RGPD6: variants seen among roughly 807,000 people sequenced by gnomAD.
The protein encoded by RGPD6 is RANBP2 like and GRIP domain containing 6, also known as RANBP2-like and GRIP domain-containing protein 5/6.
chr2:110,606,107 G>T, the RGPD6 span, among the ~76,000 whole-genome samples: 1 of 151,792 alleles, frequency 6.6e-6, no homozygotes, highest in Non-Finnish European at 1.5e-5. Flanking sequence ...AGAAAAAAGA[G>T]AAAGAAAGAG....
chr2:110,596,931 T>TA, the RGPD6 span, among the ~76,000 whole-genome samples: 2 of 126,552 alleles, frequency 1.6e-5, no homozygotes, highest in Non-Finnish European at 3.2e-5. Context: ...TATATATATA[T>TA]TATATATATT....
chr2:110,603,892 T>G, the RGPD6 span, among the ~76,000 whole-genome samples: 1 of 150,676 alleles, frequency 6.6e-6, no homozygotes, highest in Admixed American at 6.6e-5. Context: ...TTCCTTAGAT[T>G]CAACCCATTT....
the RGPD6 span, among the ~76,000 whole-genome samples, chr2:110,605,894 C>A: frequency 6.6e-6 from 1 of 151,354 alleles, no homozygotes; most frequent in African/African-American, 2.5e-5. Flanking sequence ...ATTTCAAATG[C>A]CACCCCACCA....
the RGPD6 span, among the ~76,000 whole-genome samples, chr2:110,605,359 C>T: frequency 6.0e-5 from 9 of 151,174 alleles, no homozygotes; most frequent in East Asian, 1.4e-3. Context: ...GTCAACTACA[C>T]GGTGACCTTC....
chr2:110,607,054 T>C, the RGPD6 span, among the ~76,000 whole-genome samples: 5 of 151,278 alleles, frequency 3.3e-5, 1 homozygote, highest in African/African-American at 9.8e-5. Context: ...ACGAATTAAA[T>C]GAAAGCAACA....
the RGPD6 span, chr2:110,610,968 G>T: frequency 1.1e-6 from 1 of 926,324 alleles, no homozygotes; most frequent in African/African-American, 2.0e-5. Flanking sequence ...GGCTGCAGCG[G>T]CCGGCGCACT....
chr2:110,596,568 A>C, the RGPD6 span, among the ~76,000 whole-genome samples: 1 of 148,880 alleles, frequency 6.7e-6, no homozygotes, highest in Non-Finnish European at 1.5e-5. Context: ...AGTTACATTT[A>C]GGTGTTATGG....
the RGPD6 span, among the ~76,000 whole-genome samples, chr2:110,608,369 T>C: frequency 2.0e-5 from 3 of 150,526 alleles, no homozygotes; most frequent in African/African-American, 7.4e-5. Context: ...TACCACTTAC[T>C]TACCCTTTCC....
the RGPD6 span, among the ~76,000 whole-genome samples, chr2:110,605,526 T>C: frequency 1.1e-4 from 16 of 151,166 alleles, 1 homozygote; most frequent in African/African-American, 3.9e-4. Context: ...GGCCTTAAAA[T>C]GTTTGCTTTA....
the RGPD6 span, among the ~76,000 whole-genome samples, chr2:110,592,974 A>G: frequency 6.8e-6 from 1 of 147,320 alleles, no homozygotes; most frequent in Non-Finnish European, 1.5e-5. Flanking sequence ...AGATGTTTCT[A>G]GCTGGTCTTC....
chr2:110,596,977 A>G, the RGPD6 span, among the ~76,000 whole-genome samples: 4 of 130,112 alleles, frequency 3.1e-5, no homozygotes, highest in Admixed American at 1.6e-4. Flanking sequence ...TATTATGTAT[A>G]TATATATATG....
chr2:110,594,061 T>C, the RGPD6 span, among the ~76,000 whole-genome samples: 281 of 141,540 alleles, frequency 2.0e-3, 17 homozygotes, highest in African/African-American at 6.5e-3. Context: ...CCAAGTGACA[T>C]AGTCCAGGAA....
the RGPD6 span, among the ~76,000 whole-genome samples, chr2:110,604,511 A>T: frequency 2.7e-5 from 4 of 145,918 alleles, no homozygotes; most frequent in East Asian, 2.0e-4. Flanking sequence ...GAATTCAGAA[A>T]CCTCAATTAA....
the RGPD6 span, among the ~76,000 whole-genome samples, chr2:110,593,777 GT>G: frequency 7.0e-6 from 1 of 143,310 alleles, no homozygotes; most frequent in Non-Finnish European, 1.5e-5. Flanking sequence ...TTACATAAAA[GT>G]TTCTGAACTT....
At chr2:110,593,354 T>A in the RGPD6 span, among the ~76,000 whole-genome samples, 1 of 146,980 alleles carries the variant, frequency 6.8e-6, no homozygotes, top group Non-Finnish European at 1.5e-5. Flanking sequence ...TGTGGGTGTG[T>A]GTTGTTTACT....
At chr2:110,609,825 T>G in the RGPD6 span, among the ~76,000 whole-genome samples, 61 of 86,346 alleles carry the variant, frequency 7.1e-4, no homozygotes, top group Non-Finnish European at 8.6e-4. Context: ...TAAGAGATAG[T>G]GGGGGGTTGG....
the RGPD6 span, among the ~76,000 whole-genome samples, chr2:110,604,246 T>A: frequency 0.049 from 6,469 of 131,306 alleles, 237 homozygotes; most frequent in East Asian, 0.12. Flanking sequence ...GACTGCTGAA[T>A]CTGACCTTAT....
the RGPD6 span, among the ~76,000 whole-genome samples, chr2:110,592,911 A>G: frequency 1.4e-5 from 2 of 146,190 alleles, 1 homozygote; most frequent in Non-Finnish European, 3.0e-5. Flanking sequence ...AAGTCCAGGA[A>G]GTATATTAAA....
the RGPD6 span, among the ~76,000 whole-genome samples, chr2:110,591,726 G>C: frequency 6.6e-6 from 1 of 151,542 alleles, no homozygotes; most frequent in African/African-American, 2.4e-5. Flanking sequence ...GTCTTTCACT[G>C]AGCTCCCAAA....
Sources: allele counts gnomAD v4.1 joint callset (sites outside exome capture counted in the v4.1 genomes callset), GRCh38; gene constraint gnomAD v4.1.1; transcripts MANE v1.5; gene names NCBI Gene and HGNC (gene_info 2026-07-23, HGNC 2026-07-21).